The following CFAP206 variants were observed in gnomAD, a reference collection of about 807,000 sequenced individuals.
The protein encoded by CFAP206 is cilia- and flagella-associated protein 206.
A neutral mutation model predicts 65.4 loss-of-function variants in CFAP206; 53 were observed. That is an observed-to-expected ratio of 0.81 (90% CI 0.65 to 1.02). The LOEUF is 1.02. CFAP206 is among the 50% of genes least tolerant of loss of function. CFAP206 has a pLI of 0.00. For synonymous variants in CFAP206, 250 were observed against 254.4 expected (o/e 0.98, Z 0.17); for missense variants, 663 against 753.2 (o/e 0.88, Z 1.40).
chr6:87,418,552 T>C (rs1024079829), intron 7 of CFAP206, 136 bp downstream of exon 7: 27 of 674,056 alleles, frequency 4.0e-5, no homozygotes, highest in Non-Finnish European at 6.5e-5. Flanking sequence ...TTGGTAGAGT[T>C]AGGAATCAAA....
chr6:87,414,890 T>C (rs1767798216), intron 4 of CFAP206, among the ~76,000 whole-genome samples: 2 of 152,218 alleles, frequency 1.3e-5, no homozygotes, highest in African/African-American at 4.8e-5. Flanking sequence ...ATTTAACCTA[T>C]AGATTTTTAA....
At chr6:87,452,219 G>A (rs1309210100) in intron 11 of CFAP206, among the ~76,000 whole-genome samples, 1 of 152,228 alleles carries the variant, frequency 6.6e-6, no homozygotes, top group Non-Finnish European at 1.5e-5. Context: ...GACCACCAAG[G>A]CAGTACCTCT....
At chr6:87,428,604 A>G (rs754999878) in intron 8 of CFAP206, 22 bp from the exon 9 acceptor site, 4 of 1,602,778 alleles carry the variant, frequency 2.5e-6, no homozygotes, top group Admixed American at 3.3e-5. Flanking sequence ...TGCATTTTGA[A>G]TATTTTTTTT....
intron 7 of CFAP206, among the ~76,000 whole-genome samples, chr6:87,423,588 T>C (rs1331605748): frequency 1.3e-5 from 2 of 152,234 alleles, no homozygotes; most frequent in Non-Finnish European, 2.9e-5. Flanking sequence ...TTAATAAGTA[T>C]TGCATGTCGA....
intron 12 of CFAP206, among the ~76,000 whole-genome samples, chr6:87,463,757 G>A (rs1236157348): frequency 6.6e-6 from 1 of 152,128 alleles, no homozygotes; most frequent in Non-Finnish European, 1.5e-5. Flanking sequence ...ATAACTGGTT[G>A]AGTTCACTGT....
chr6:87,425,219 A>G (rs1004725620), intron 7 of CFAP206, among the ~76,000 whole-genome samples: 2 of 152,210 alleles, frequency 1.3e-5, no homozygotes, highest in Admixed American at 6.5e-5. Flanking sequence ...CACTCTTGTT[A>G]TAAGAAGAAA....
chr6:87,447,186 C>T (rs746234511), intron 11 of CFAP206, among the ~76,000 whole-genome samples: 4 of 152,096 alleles, frequency 2.6e-5, no homozygotes, highest in Non-Finnish European at 4.4e-5. Context: ...TTATTTCTTT[C>T]TCTTGCCTGA....
rs118030508 is a variant in CFAP206, at chr6:87,408,798, G to C, written c.-6+709G>C. The C allele has an allele frequency of 3.8e-3, 551 of 144,798 alleles. 11 individuals carry two copies. The highest frequency in any genetic ancestry group is 0.012 in the Admixed American group (163 of 13,560). 9.0% of individuals were successfully genotyped at this position (144,798 alleles called of 1,614,324 possible). A position where few individuals can be genotyped will look rare whatever the true frequency, so the allele number is the denominator to read the frequency against. Reference sequence around the variant, plus strand: ...CCCAAGGTCTCACAGCTGGACAGTGGTCGGGTCACCATGGAATCCAGGCAA... The same window carrying C: ...CCCAAGGTCTCACAGCTGGACAGTGCTCGGGTCACCATGGAATCCAGGCAA... On this transcript the variant is annotated intron_variant, in intron 1 of 12. Transcript: ENST00000369562.
chr6:87,442,303 C>T (rs1768373275), intron 11 of CFAP206, among the ~76,000 whole-genome samples: 1 of 152,102 alleles, frequency 6.6e-6, no homozygotes, highest in Non-Finnish European at 1.5e-5. Flanking sequence ...GGATTAAAAA[C>T]TCTTCCTGGC....
chr6:87,428,697 T>C lies in CFAP206; in HGVS notation c.1032T>C (p.Ser344=). ...AAACTATTGTGGTTGGTGTCCTCAG[T>C]AATTTATTCACTCACATTCAGCCAT... ...QDETIVVGVL[S]NLFTHIQPFL... is the part of the protein sequence containing the mutation. The change falls in exon 9 of 13, where the codon AGT becomes AGC. Residue 344 remains serine, a synonymous_variant. Transcript: ENST00000369562. 1 of 1,614,184 alleles carries C rather than the reference T, an allele frequency of 6.2e-7. No homozygotes were observed. The highest frequency in any genetic ancestry group is 8.5e-7 in the Non-Finnish European group (1 of 1,180,024).
chr6:87,430,941 A>C (rs1768144943), intron 9 of CFAP206, 92 bp from the exon 10 acceptor site: 3 of 1,194,404 alleles, frequency 2.5e-6, no homozygotes, highest in South Asian at 3.0e-5. Flanking sequence ...AAGCAATAAA[A>C]AGGTAATGTT....
At chr6:87,417,590 T>C (rs888293406) in intron 6 of CFAP206, among the ~76,000 whole-genome samples, 3 of 149,132 alleles carry the variant, frequency 2.0e-5, no homozygotes, top group South Asian at 2.1e-4. Context: ...AAAGAAGATA[T>C]ACAAAAGGAA....
At chr6:87,415,058 A>G (rs1220429122) in intron 4 of CFAP206, among the ~76,000 whole-genome samples, 1 of 152,158 alleles carries the variant, frequency 6.6e-6, no homozygotes, top group Non-Finnish European at 1.5e-5. Flanking sequence ...TGTACTTGCA[A>G]CAACTCAGGG....
intron 11 of CFAP206, among the ~76,000 whole-genome samples, chr6:87,459,532 G>C (rs1217484453): frequency 2.6e-5 from 4 of 152,080 alleles, no homozygotes; most frequent in Non-Finnish European, 1.5e-5. Flanking sequence ...AATCAATGAG[G>C]GGACCAGGTA....
intron 11 of CFAP206, 95 bp downstream of exon 11, chr6:87,435,148 C>A: frequency 1.2e-6 from 1 of 837,296 alleles, no homozygotes. Context: ...CAGGTCCACA[C>A]AGAGAGAGTC....
intron 9 of CFAP206, 109 bp from the exon 10 acceptor site, chr6:87,430,924 A>G (rs554417408): frequency 2.9e-6 from 3 of 1,037,554 alleles, no homozygotes; most frequent in Admixed American, 5.5e-5. Flanking sequence ...CCATCGGGAA[A>G]AGTACAAAGC....
intron 12 of CFAP206, among the ~76,000 whole-genome samples, chr6:87,462,397 G>A (rs1768764149): frequency 6.6e-6 from 1 of 152,124 alleles, no homozygotes; most frequent in South Asian, 2.1e-4. Flanking sequence ...TGTAGTTCAT[G>A]AAATGCCCAA....
chr6:87,441,982 G>GT (rs1768365189), intron 11 of CFAP206: 1 of 247,288 alleles, frequency 4.0e-6, no homozygotes, highest in South Asian at 5.7e-5. Context: ...CTGATTGTCA[G>GT]TTTTTGTCAC....
At chr6:87,418,982 T>G (rs1378890024) in intron 7 of CFAP206, among the ~76,000 whole-genome samples, 1 of 152,020 alleles carries the variant, frequency 6.6e-6, no homozygotes, top group Admixed American at 6.6e-5. Context: ...CACAGTGACA[T>G]GTGCCTGTAT....
Sources: allele counts gnomAD v4.1 joint callset (sites outside exome capture counted in the v4.1 genomes callset), GRCh38; gene constraint gnomAD v4.1.1; transcripts MANE v1.5; gene names NCBI Gene and HGNC (gene_info 2026-07-23, HGNC 2026-07-21).